The following MPPED2 variants were observed in gnomAD, a reference collection of about 807,000 sequenced individuals.
The protein encoded by MPPED2 is metallophosphoesterase domain containing 2, also known as metallophosphoesterase MPPED2.
A neutral mutation model predicts 33.0 loss-of-function variants in MPPED2; 5 were observed. The ratio of observed to expected loss-of-function variants is 0.15; its 90% CI spans 0.08 to 0.32. The LOEUF (loss-of-function observed/expected upper bound fraction) is 0.32, where lower values mean the gene tolerates loss of function less well. Among genes scored for constraint, MPPED2 ranks in the 10% least tolerant of loss-of-function variants. The probability of loss-of-function intolerance (pLI) is 1.00; values close to 1 mark genes in which losing one functional copy is unlikely to be tolerated. For synonymous variants in MPPED2, 136 were observed against 141.9 expected, an observed-to-expected ratio of 0.96 and a Z score of 0.29; for missense variants, 275 against 372.1, an observed-to-expected ratio of 0.74 and a Z score of 2.15.
chr11:30,571,899 G>T (rs555544729), intron 2 of MPPED2, among the ~76,000 whole-genome samples: 1 of 152,220 alleles, frequency 6.6e-6, no homozygotes, highest in East Asian at 1.9e-4. Context: ...AGCCTGTTTG[G>T]CTTGTCTTGC....
At chr11:30,455,497 T>C (rs775575217) in intron 4 of MPPED2, among the ~76,000 whole-genome samples, 5 of 152,256 alleles carry the variant, frequency 3.3e-5, no homozygotes, top group African/African-American at 4.8e-5. Context: ...CTATTTTTAT[T>C]ATTAAAATAT....
chr11:30,403,376 T>C (rs777072960), intron 6 of MPPED2, among the ~76,000 whole-genome samples: 1 of 152,198 alleles, frequency 6.6e-6, no homozygotes, highest in Non-Finnish European at 1.5e-5. Flanking sequence ...ATAGCATCAT[T>C]GAGGTAGATA....
intron 4 of MPPED2, among the ~76,000 whole-genome samples, chr11:30,488,441 A>G (rs1247663898): frequency 2.0e-5 from 3 of 152,186 alleles, no homozygotes; most frequent in Admixed American, 6.5e-5. Flanking sequence ...TACAACCACC[A>G]CCAACACATC....
downstream of MPPED2, among the ~76,000 whole-genome samples, chr11:30,408,276 C>T (rs1475079466): frequency 6.6e-6 from 1 of 152,192 alleles, no homozygotes; most frequent in Admixed American, 6.5e-5. Flanking sequence ...CAGCGAGCTG[C>T]TACTTGAGGG....
rs185782629 is a variant in MPPED2 at position 30,423,695 on chromosome 11, A to G, written c.537-6062T>C. Among the ~76,000 whole-genome samples, 6 of 152,340 alleles carry G rather than the reference A, an allele frequency of 3.9e-5. No homozygotes were observed. In the East Asian group the frequency reaches 7.7e-4, roughly 20 times the overall value. On this transcript the variant is annotated intron_variant, in intron 4 of 6. Coordinates refer to ENST00000358117, the MANE Select transcript of MPPED2 (RefSeq NM_001584.3). ...ACAAATAAAAACAGAATGTTTGCCT[A>G]TGTGGATAAAGTGAATGAACTTTTG...
chr11:30,414,111 A>T, intron 6 of MPPED2, 117 bp downstream of exon 6: 1 of 675,522 alleles, frequency 1.5e-6, no homozygotes, highest in Non-Finnish European at 2.7e-6. Context: ...ACTTCATCTT[A>T]TAAAAGGGTC....
At chr11:30,543,363 T>A (rs1440256509) in intron 2 of MPPED2, among the ~76,000 whole-genome samples, 3 of 152,188 alleles carry the variant, frequency 2.0e-5, no homozygotes, top group Non-Finnish European at 4.4e-5. Flanking sequence ...ATCAATCAGC[T>A]GTGTGACCCT....
At chr11:30,444,746 A>C (rs192217266) in intron 4 of MPPED2, among the ~76,000 whole-genome samples, 32 of 152,250 alleles carry the variant, frequency 2.1e-4, no homozygotes, top group Non-Finnish European at 4.0e-4. Flanking sequence ...CCACTTGTTT[A>C]ATTTCTTCTA....
chr11:30,424,785 T>C (rs1948758012), intron 4 of MPPED2, among the ~76,000 whole-genome samples: 1 of 152,172 alleles, frequency 6.6e-6, no homozygotes, highest in Non-Finnish European at 1.5e-5. Flanking sequence ...AAGTTCCTCT[T>C]CTGCACAATT....
intron 4 of MPPED2, among the ~76,000 whole-genome samples, chr11:30,466,028 C>A (rs188510710): frequency 6.6e-6 from 1 of 152,324 alleles, no homozygotes; most frequent in East Asian, 1.9e-4. Flanking sequence ...CAGCACTTCT[C>A]AGTGCCTGAT....
chr11:30,517,101 T>G (rs1310450583), intron 3 of MPPED2, among the ~76,000 whole-genome samples: 1 of 152,186 alleles, frequency 6.6e-6, no homozygotes, highest in Non-Finnish European at 1.5e-5. Context: ...CTGCTAATCT[T>G]TATGATGGGA....
chr11:30,511,559 C>T (rs577237692), intron 3 of MPPED2, among the ~76,000 whole-genome samples: 1 of 152,228 alleles, frequency 6.6e-6, no homozygotes, highest in South Asian at 2.1e-4. Flanking sequence ...AAATAAACTT[C>T]CTTGATTATG....
chr11:30,479,470 C>G (rs982140430), intron 4 of MPPED2, among the ~76,000 whole-genome samples: 15 of 152,042 alleles, frequency 9.9e-5, no homozygotes, highest in African/African-American at 3.6e-4. Context: ...AACAATAACA[C>G]TGAAAAGTAA....
intron 2 of MPPED2, among the ~76,000 whole-genome samples, chr11:30,547,907 T>C (rs946008464): frequency 6.6e-6 from 1 of 152,206 alleles, no homozygotes; most frequent in African/African-American, 2.4e-5. Context: ...AACCTCACAC[T>C]TTCATTTGGG....
chr11:30,453,513 C>G (rs1367597307), intron 4 of MPPED2, among the ~76,000 whole-genome samples: 1 of 152,180 alleles, frequency 6.6e-6, no homozygotes, highest in African/African-American at 2.4e-5. Flanking sequence ...AAATAGTGTA[C>G]TGCAACCCCA....
rs541961170 is a variant in MPPED2 at position 30,425,756 on chromosome 11, G to C, written c.537-8123C>G. On this transcript the variant is annotated intron_variant, in intron 4 of 6. Transcript: ENST00000358117. ...CTGCTCAGCCCTGGGACCCTGAGGA[G>C]AGGAAACGCGGTGAACTTAGCAGCC... 13 of 152,308 alleles carry C rather than the reference G, an allele frequency of 8.5e-5. 1 individual carries two copies. In the South Asian group the frequency reaches 2.7e-3, roughly 32 times the overall value. The allele number at this position is 152,308 out of a possible 1,614,324, so 9.4% of individuals were successfully genotyped here.
intron 5 of MPPED2, among the ~76,000 whole-genome samples, chr11:30,416,575 G>T (rs1565045935): frequency 6.6e-6 from 1 of 152,114 alleles, no homozygotes; most frequent in East Asian, 1.9e-4. Flanking sequence ...AAACCAAGAT[G>T]ATTAAGAAAC....
intron 2 of MPPED2, among the ~76,000 whole-genome samples, chr11:30,547,195 C>G (rs1955469067): frequency 6.6e-6 from 1 of 152,204 alleles, no homozygotes; most frequent in Non-Finnish European, 1.5e-5. Context: ...CAACTTCAAA[C>G]ACTAACAAAG....
chr11:30,583,060 G>A (rs995503751), intron 1 of MPPED2, among the ~76,000 whole-genome samples: 15 of 146,758 alleles, frequency 1.0e-4, no homozygotes, highest in Non-Finnish European at 4.5e-5. Flanking sequence ...AAAATGCTAT[G>A]TTCATCCCCA....
Sources: gnomAD v4.1 joint callset for allele counts (sites outside exome capture counted in the v4.1 genomes callset) on GRCh38, gnomAD v4.1.1 for gene constraint, MANE v1.5 for transcripts, NCBI Gene and HGNC (gene_info 2026-07-23, HGNC 2026-07-21) for gene names.